Variants in B3GALT1 observed in about 807,000 individuals in gnomAD.
B3GALT1 encodes beta-1,3-galactosyltransferase 1.
In B3GALT1, 10 loss-of-function variants were observed where a neutral mutation model predicts 23.2. The ratio of observed to expected loss-of-function variants is 0.43; its 90% CI spans 0.27 to 0.73. The LOEUF (loss-of-function observed/expected upper bound fraction) is 0.73. Ranked by LOEUF, B3GALT1 falls within the 30% of genes least tolerant of loss-of-function variation. The pLI, the probability that B3GALT1 is intolerant of heterozygous loss-of-function variation, is 0.21. For synonymous variants in B3GALT1, 156 were observed against 141.5 expected, an observed-to-expected ratio of 1.10 and a Z score of -0.73; for missense variants, 299 against 405.4, an observed-to-expected ratio of 0.74 and a Z score of 2.25.
chr2:167,524,686 C>T (rs1172175641), intron 2 of B3GALT1, among the ~76,000 whole-genome samples: 3 of 152,156 alleles, frequency 2.0e-5, no homozygotes, highest in Non-Finnish European at 4.4e-5. Flanking sequence ...CTATGCTCCT[C>T]GATCTGCCAT....
intron 1 of B3GALT1, among the ~76,000 whole-genome samples, chr2:167,314,565 G>A (rs1203016842): frequency 1.3e-5 from 2 of 152,060 alleles, no homozygotes; most frequent in African/African-American, 2.4e-5. Context: ...TTTCAAAGGC[G>A]AAAATATTCA....
At chr2:167,529,839 T>C (rs546941289) in intron 2 of B3GALT1, among the ~76,000 whole-genome samples, 3 of 152,030 alleles carry the variant, frequency 2.0e-5, no homozygotes, top group Non-Finnish European at 4.4e-5. Context: ...CAGTAGTCTC[T>C]TATATCATCT....
intron 2 of B3GALT1, among the ~76,000 whole-genome samples, chr2:167,570,983 A>G (rs1684284626): frequency 6.6e-6 from 1 of 151,968 alleles, no homozygotes; most frequent in Non-Finnish European, 1.5e-5. Context: ...CTCATACATA[A>G]TAACATCCTC....
chr2:167,566,026 A>G (rs1220655976), intron 2 of B3GALT1, among the ~76,000 whole-genome samples: 1 of 152,054 alleles, frequency 6.6e-6, no homozygotes, highest in African/African-American at 2.4e-5. Flanking sequence ...ACTATAAATC[A>G]TGCTGCTATA....
At chr2:167,511,359 T>G (rs1354630687) in intron 2 of B3GALT1, among the ~76,000 whole-genome samples, 1 of 152,172 alleles carries the variant, frequency 6.6e-6, no homozygotes, top group Non-Finnish European at 1.5e-5. Context: ...TTCTTGGTTC[T>G]CAGGAGATCT....
In B3GALT1 at chr2:167,451,784, G is replaced by A. The variant is rs117823500; in HGVS notation, c.-510-38393G>A. 1.6e-4 allele frequency among the ~76,000 whole-genome samples: 25 copies of A among 152,318 alleles called. No individual in the cohort carries two copies. In the East Asian group the frequency reaches 3.5e-3, roughly 21 times the overall value. ...CAGCTTTGTCTTTGGCTACCAGGGC[G>A]GGTAGAGAAAGACCATCAGGTGGGT... On this transcript the variant is annotated intron_variant, in intron 1 of 4. Transcript: ENST00000392690.
At chr2:167,332,266 G>A (rs1006307829) in intron 1 of B3GALT1, among the ~76,000 whole-genome samples, 1 of 152,086 alleles carries the variant, frequency 6.6e-6, no homozygotes, top group African/African-American at 2.4e-5. Flanking sequence ...GCTCCTGGCC[G>A]ATTCTGAGGC....
intron 3 of B3GALT1, among the ~76,000 whole-genome samples, chr2:167,737,559 C>G (rs1687512168): frequency 6.6e-6 from 1 of 152,190 alleles, no homozygotes; most frequent in Admixed American, 6.5e-5. Context: ...ACAACCACTT[C>G]AGTTGAAGAG....
At chr2:167,671,923 T>G (rs1384543110) in intron 3 of B3GALT1, among the ~76,000 whole-genome samples, 1 of 151,878 alleles carries the variant, frequency 6.6e-6, no homozygotes, top group Non-Finnish European at 1.5e-5. Flanking sequence ...AATAAAACCA[T>G]AAATTAAAGA....
intron 3 of B3GALT1, among the ~76,000 whole-genome samples, chr2:167,707,806 C>T (rs1216210521): frequency 6.6e-6 from 1 of 152,122 alleles, no homozygotes; most frequent in African/African-American, 2.4e-5. Flanking sequence ...CTTTGGAGGG[C>T]CATTATTCTG....
chr2:167,692,276 C>G (rs1249813440), intron 3 of B3GALT1, among the ~76,000 whole-genome samples: 1 of 152,122 alleles, frequency 6.6e-6, no homozygotes, highest in Non-Finnish European at 1.5e-5. Flanking sequence ...TTGCACTTTT[C>G]CTACCCATCT....
At chr2:167,713,636 G>A (rs1687096719) in intron 3 of B3GALT1, 1 of 1,279,324 alleles carries the variant, frequency 7.8e-7, no homozygotes, top group Non-Finnish European at 1.1e-6. Flanking sequence ...AGTTGCTTTT[G>A]AAGAAAGCAA....
chr2:167,655,547 G>A (rs1324969832), intron 3 of B3GALT1, among the ~76,000 whole-genome samples: 1 of 152,082 alleles, frequency 6.6e-6, no homozygotes, highest in African/African-American at 2.4e-5. Context: ...CCCATAGCAA[G>A]GGAGCTCAGA....
At chr2:167,607,365 A>G (rs1336487188) in intron 2 of B3GALT1, among the ~76,000 whole-genome samples, 1 of 152,138 alleles carries the variant, frequency 6.6e-6, no homozygotes, top group Non-Finnish European at 1.5e-5. Flanking sequence ...TTTATGCAAG[A>G]AGAATATGTA....
chr2:167,603,690 A>G (rs1197105853), intron 2 of B3GALT1, among the ~76,000 whole-genome samples: 1 of 152,172 alleles, frequency 6.6e-6, no homozygotes, highest in Non-Finnish European at 1.5e-5. Context: ...AGTTGCCTCT[A>G]TATGTGATTC....
intron 4 of B3GALT1, among the ~76,000 whole-genome samples, chr2:167,862,416 C>T (rs1690119449): frequency 6.6e-6 from 1 of 152,188 alleles, no homozygotes; most frequent in Non-Finnish European, 1.5e-5. Context: ...TTAGCCCTTC[C>T]TCTAAGTTTT....
At chr2:167,493,063 G>T (rs777417367) in intron 2 of B3GALT1, among the ~76,000 whole-genome samples, 1 of 152,142 alleles carries the variant, frequency 6.6e-6, no homozygotes, top group Admixed American at 6.5e-5. Context: ...GTTTGATGCT[G>T]TTCAAAGTTA....
At chr2:167,681,997 A>T (rs1431467524) in intron 3 of B3GALT1, among the ~76,000 whole-genome samples, 1 of 152,168 alleles carries the variant, frequency 6.6e-6, no homozygotes, top group African/African-American at 2.4e-5. Context: ...AAAATAATGA[A>T]TTTTTGTTTT....
intron 3 of B3GALT1, chr2:167,714,401 C>T: frequency 3.2e-6 from 5 of 1,542,640 alleles, no homozygotes; most frequent in South Asian, 1.1e-5. Flanking sequence ...TGGGCTTCCT[C>T]CTCCCCCTGG....
Sources: allele counts gnomAD v4.1 joint callset (sites outside exome capture counted in the v4.1 genomes callset), GRCh38; gene constraint gnomAD v4.1.1; transcripts MANE v1.5; gene names NCBI Gene and HGNC (gene_info 2026-07-23, HGNC 2026-07-21).